Variants in UTY observed in about 807,000 individuals in gnomAD.
UTY encodes the protein histone demethylase UTY.
Under a neutral mutation model 32.5 loss-of-function variants are expected in UTY, and 12 were observed. The ratio of observed to expected loss-of-function variants is 0.37; its 90% CI spans 0.24 to 0.60. UTY has a LOEUF of 0.60. Ranked by LOEUF, UTY falls within the 20% of genes least tolerant of loss-of-function variation. UTY has a pLI of 0.69. For missense variants in UTY, 303 were observed against 299.2 expected (o/e 1.01, Z -0.09); for synonymous variants, 131 against 103.4 (o/e 1.27, Z -1.62).
chrY:13,260,047 A>T (rs981651751), intron 28 of UTY, among the ~76,000 whole-genome samples: 2 of 33,767 alleles, frequency 5.9e-5, no homozygotes, highest in Non-Finnish European at 1.5e-4. Flanking sequence ...TTGGATAAGG[A>T]TTTACTAAAT....
chrY:13,466,625 A>G, intron 3 of UTY, among the ~76,000 whole-genome samples: 1 of 33,546 alleles, frequency 3.0e-5, no homozygotes, highest in Admixed American at 2.7e-4. Context: ...TTTGACATAC[A>G]TTATTAGTCA....
chrY:13,286,937 C>G, intron 27 of UTY: 2 of 384,382 alleles, frequency 5.2e-6, no homozygotes, highest in Non-Finnish European at 7.4e-6. Context: ...AGGCAGCTAA[C>G]TGGAAATACA....
chrY:13,319,743 A>T (rs751434702), intron 21 of UTY, among the ~76,000 whole-genome samples: 1 of 33,960 alleles, frequency 2.9e-5, no homozygotes, highest in East Asian at 7.5e-4. Flanking sequence ...GGAGTATGGA[A>T]TTTATAACAA....
chrY:13,340,154 A>T (rs1057232943), intron 17 of UTY, among the ~76,000 whole-genome samples: 2 of 31,965 alleles, frequency 6.3e-5, no homozygotes, highest in Non-Finnish European at 1.5e-4. Context: ...GGGTACCCGG[A>T]TCAGTTTTCG....
intron 2 of UTY, among the ~76,000 whole-genome samples, chrY:13,471,845 G>A: frequency 3.2e-5 from 1 of 31,519 alleles, no homozygotes. Context: ...AGAGGAGGAC[G>A]AAAGGGAATA....
intron 25 of UTY, among the ~76,000 whole-genome samples, chrY:13,299,702 A>G: frequency 6.0e-5 from 2 of 33,454 alleles, no homozygotes. Flanking sequence ...GGCTTGGGCT[A>G]GGGTCCTGAG....
intron 27 of UTY, among the ~76,000 whole-genome samples, chrY:13,262,982 TTA>T (rs2055429830): frequency 3.0e-5 from 1 of 33,307 alleles, no homozygotes; most frequent in Admixed American, 2.8e-4. Context: ...TTGTATTACT[TTA>T]TACTCAGTTT....
At chrY:13,355,544 A>C in intron 16 of UTY, 146 bp from the exon 17 acceptor site, 1 of 318,229 alleles carries the variant, frequency 3.1e-6, no homozygotes, top group East Asian at 1.0e-4. Flanking sequence ...AAAAGAAGAA[A>C]GGTGTTTCAG....
chrY:13,442,947 G>A (rs894723413), intron 4 of UTY, among the ~76,000 whole-genome samples: 3 of 32,900 alleles, frequency 9.1e-5, no homozygotes, highest in Non-Finnish European at 2.2e-4. Context: ...GAAGAAAAGT[G>A]ACGCTAAGAG....
chrY:13,459,469 T>C (rs766638962), intron 3 of UTY, among the ~76,000 whole-genome samples: 92 of 33,342 alleles, frequency 2.8e-3, no homozygotes, highest in Non-Finnish European at 4.3e-3. Flanking sequence ...TTAAAATTAA[T>C]AACTATTACC....
At chrY:13,326,805 T>C (rs2148968288) in intron 18 of UTY, among the ~76,000 whole-genome samples, 3 of 33,948 alleles carry the variant, frequency 8.8e-5, no homozygotes, top group East Asian at 7.5e-4. Flanking sequence ...TAGAATACCA[T>C]TGTGACAACT....
chrY:13,436,423 G>C, intron 4 of UTY, among the ~76,000 whole-genome samples: 1 of 33,077 alleles, frequency 3.0e-5, no homozygotes. Flanking sequence ...CACAGTCTAG[G>C]TATTGTGGCA....
At chrY:13,447,073 C>T in intron 4 of UTY, among the ~76,000 whole-genome samples, 1 of 32,258 alleles carries the variant, frequency 3.1e-5, no homozygotes, top group South Asian at 7.1e-4. Context: ...CCCATCAACC[C>T]ATCATCTACA....
At chrY:13,394,899 T>C (rs754619771) in intron 7 of UTY, among the ~76,000 whole-genome samples, 1 of 32,828 alleles carries the variant, frequency 3.0e-5, no homozygotes, top group Non-Finnish European at 7.5e-5. Context: ...TGAACCTCTG[T>C]AAATGTCTGG....
chrY:13,328,264 C>A, intron 18 of UTY, among the ~76,000 whole-genome samples: 1 of 33,367 alleles, frequency 3.0e-5, no homozygotes, highest in Admixed American at 2.7e-4. Context: ...ACAACAACAA[C>A]AAAACAATAA....
intron 17 of UTY, among the ~76,000 whole-genome samples, chrY:13,343,168 T>A: frequency 3.0e-5 from 1 of 32,998 alleles, no homozygotes; most frequent in African/African-American, 1.2e-4. Context: ...GGTCATGGTA[T>A]TGGCCCGTGG....
chrY:13,441,190 A>G (rs920549930), intron 4 of UTY, among the ~76,000 whole-genome samples: 2 of 32,413 alleles, frequency 6.2e-5, no homozygotes, highest in Admixed American at 2.9e-4. Flanking sequence ...TATATATTTT[A>G]TATTATTTTA....
intron 15 of UTY, among the ~76,000 whole-genome samples, chrY:13,356,316 C>T (rs1212224096): frequency 3.2e-5 from 1 of 31,411 alleles, no homozygotes; most frequent in Non-Finnish European, 7.7e-5. Flanking sequence ...CCACCATGCC[C>T]GGCTAATTTT....
intron 27 of UTY, among the ~76,000 whole-genome samples, chrY:13,282,079 T>C (rs2057049493): frequency 3.0e-5 from 1 of 33,329 alleles, no homozygotes; most frequent in Non-Finnish European, 7.4e-5. Flanking sequence ...TCTCTGACCA[T>C]AATGGAATAA....
Sources: allele counts gnomAD v4.1 joint callset (sites outside exome capture counted in the v4.1 genomes callset), GRCh38; gene constraint gnomAD v4.1.1; transcripts MANE v1.5; gene names NCBI Gene and HGNC (gene_info 2026-07-23, HGNC 2026-07-21).